Variants in SHANK2 observed in about 807,000 individuals in gnomAD.
SHANK2 encodes SH3 and multiple ankyrin repeat domains 2.
Under a neutral mutation model 133.7 loss-of-function variants are expected in SHANK2, and 43 were observed. That is an observed-to-expected ratio of 0.32 (90% CI 0.25 to 0.41). The LOEUF (loss-of-function observed/expected upper bound fraction) is 0.41. Among genes scored for constraint, SHANK2 ranks in the 10% least tolerant of loss-of-function variants. The pLI, the probability that SHANK2 is intolerant of heterozygous loss-of-function variation, is 1.00. For missense variants in SHANK2, 1,994 were observed against 2,235.8 expected (o/e 0.89, Z 2.18); for synonymous variants, 1,017 against 952.8 (o/e 1.07, Z -1.24).
chr11:70,491,204 A>G (rs2058882586), intron 22 of SHANK2, among the ~76,000 whole-genome samples: 1 of 152,254 alleles, frequency 6.6e-6, no homozygotes, highest in African/African-American at 2.4e-5. Flanking sequence ...CAATGGAAAT[A>G]TTCGTGTGCA....
intron 2 of SHANK2, among the ~76,000 whole-genome samples, chr11:71,210,210 GTATATATA>G (rs71049962): frequency 0.018 from 959 of 53,978 alleles, 53 homozygotes; most frequent in African/African-American, 0.071. Context: ...AAATCCACAG[GTATATATA>G]TATATATATA....
intron 15 of SHANK2, among the ~76,000 whole-genome samples, chr11:70,682,960 A>C (rs1051157969): frequency 3.3e-5 from 5 of 151,866 alleles, no homozygotes; most frequent in Non-Finnish European, 7.4e-5. Context: ...TGACAAGTCT[A>C]AGGCAGATTG....
At chr11:71,146,797 A>G (rs1275421586) in intron 3 of SHANK2, among the ~76,000 whole-genome samples, 3 of 152,142 alleles carry the variant, frequency 2.0e-5, no homozygotes, top group African/African-American at 7.2e-5. Flanking sequence ...GGTTTTCTCT[A>G]TGAGGCTGTG....
chr11:71,159,065 G>A (rs1952960907), intron 2 of SHANK2, among the ~76,000 whole-genome samples: 2 of 152,248 alleles, frequency 1.3e-5, no homozygotes, highest in African/African-American at 4.8e-5. Context: ...TTATTGCTGT[G>A]TAAGAAGATA....
chr11:70,930,779 T>A (rs1950492594), intron 10 of SHANK2, among the ~76,000 whole-genome samples: 1 of 144,298 alleles, frequency 6.9e-6, no homozygotes, highest in East Asian at 2.3e-4. Context: ...CAAGCAATCC[T>A]CCTGCCTCAC....
chr11:70,588,222 A>AT lies in SHANK2; in HGVS notation c.2061+71605dup, dbSNP rs1591616644. Among the ~76,000 whole-genome samples, 6 of 152,308 alleles carry AT rather than the reference A, an allele frequency of 3.9e-5. 1 individual carries two copies. Among genetic ancestry groups the AT allele is most frequent in the Admixed American group, 3.9e-4 (6 of 15,296 alleles). On this transcript the variant is annotated intron_variant, in intron 17 of 25. Coordinates refer to ENST00000601538, the MANE Select transcript of SHANK2 (RefSeq NM_012309.5). ...AGCTCTTATTTCACATGCCAAGGGA[A>AT]TAAAAAAAGAAATAAGGCCAATTAA...
chr11:70,529,861 C>T (rs2059445748), intron 17 of SHANK2, among the ~76,000 whole-genome samples: 1 of 152,236 alleles, frequency 6.6e-6, no homozygotes, highest in African/African-American at 2.4e-5. Flanking sequence ...GACCAGGCAT[C>T]AGTCTTCTGT....
At chr11:70,801,949 A>G (rs1177817004) in intron 13 of SHANK2, among the ~76,000 whole-genome samples, 1 of 152,206 alleles carries the variant, frequency 6.6e-6, no homozygotes, top group Non-Finnish European at 1.5e-5. Flanking sequence ...ACAGAGGATC[A>G]GATGAGAATC....
At chr11:70,760,324 C>T (rs1274993574) in intron 14 of SHANK2, among the ~76,000 whole-genome samples, 4 of 152,230 alleles carry the variant, frequency 2.6e-5, no homozygotes, top group Non-Finnish European at 5.9e-5. Context: ...GCTAGAGGCC[C>T]AATTCCCAGC....
intron 10 of SHANK2, among the ~76,000 whole-genome samples, chr11:70,941,469 G>A (rs1383278665): frequency 6.6e-6 from 1 of 152,216 alleles, no homozygotes; most frequent in African/African-American, 2.4e-5. Flanking sequence ...TGCTGTTGGG[G>A]TCGCTATGGA....
At chr11:71,181,951 G>A (rs1287492145) in intron 2 of SHANK2, among the ~76,000 whole-genome samples, 1 of 152,120 alleles carries the variant, frequency 6.6e-6, no homozygotes, top group Non-Finnish European at 1.5e-5. Context: ...TCATGGGTGT[G>A]ACCAACCTTG....
chr11:70,684,075 C>T (rs1473882573), intron 15 of SHANK2, among the ~76,000 whole-genome samples: 3 of 152,158 alleles, frequency 2.0e-5, no homozygotes, highest in Non-Finnish European at 4.4e-5. Flanking sequence ...TGAGCCACTG[C>T]ACCTGGCCCT....
chr11:70,688,516 T>C (rs1555020250), intron 15 of SHANK2, among the ~76,000 whole-genome samples: 2 of 152,218 alleles, frequency 1.3e-5, no homozygotes, highest in African/African-American at 4.8e-5. Flanking sequence ...TGACCCACTG[T>C]GCACCCAGGA....
intron 2 of SHANK2, among the ~76,000 whole-genome samples, chr11:71,170,010 C>T (rs1201867021): frequency 7.1e-6 from 1 of 141,734 alleles, no homozygotes; most frequent in Non-Finnish European, 1.5e-5. Context: ...AGCAAGACCT[C>T]ATCTTTTTTT....
intron 17 of SHANK2, among the ~76,000 whole-genome samples, chr11:70,524,179 C>T (rs1311184521): frequency 6.6e-6 from 1 of 152,288 alleles, no homozygotes; most frequent in East Asian, 1.9e-4. Context: ...ACAGCGGAGC[C>T]CTGGGTCCTC....
At chr11:71,156,769 G>A (rs561652042) in intron 2 of SHANK2, among the ~76,000 whole-genome samples, 2 of 152,278 alleles carry the variant, frequency 1.3e-5, no homozygotes, top group East Asian at 1.9e-4. Flanking sequence ...TCAGAGAAAG[G>A]GGTAAACGCA....
At chr11:71,220,630 A>G (rs1954516622) in intron 2 of SHANK2, among the ~76,000 whole-genome samples, 1 of 152,172 alleles carries the variant, frequency 6.6e-6, no homozygotes, top group African/African-American at 2.4e-5. Context: ...ACATGCTACA[A>G]TGTGGATGAC....
intron 17 of SHANK2, among the ~76,000 whole-genome samples, chr11:70,590,287 C>T (rs571426254): frequency 3.5e-4 from 53 of 152,242 alleles, no homozygotes; most frequent in African/African-American, 5.1e-4. Flanking sequence ...AGTGATTTCT[C>T]GAGATGGAAT....
At chr11:71,227,455 C>T (rs147276136) in intron 1 of SHANK2, among the ~76,000 whole-genome samples, 4 of 151,862 alleles carry the variant, frequency 2.6e-5, no homozygotes, top group African/African-American at 7.2e-5. Flanking sequence ...GACTTCAGGG[C>T]AAAGAAAATA....
Sources: gnomAD v4.1 joint callset for allele counts (sites outside exome capture counted in the v4.1 genomes callset) on GRCh38, gnomAD v4.1.1 for gene constraint, MANE v1.5 for transcripts, NCBI Gene and HGNC (gene_info 2026-07-23, HGNC 2026-07-21) for gene names.